FHOD3: variants seen among roughly 807,000 people sequenced by gnomAD.
FHOD3 encodes FH1/FH2 domain-containing protein 3.
FHOD3 carries 90 observed loss-of-function variants against 173.0 expected under a neutral mutation model. The ratio of observed to expected loss-of-function variants is 0.52; its 90% CI spans 0.44 to 0.62. The LOEUF (loss-of-function observed/expected upper bound fraction) is 0.62, where lower values mean the gene tolerates loss of function less well. Ranked by LOEUF, FHOD3 falls within the 20% of genes least tolerant of loss-of-function variation. The pLI, the probability that FHOD3 is intolerant of heterozygous loss-of-function variation, is 0.00. For missense variants in FHOD3, 1,945 were observed against 2,034.7 expected, an observed-to-expected ratio of 0.96 and a Z score of 0.85; for synonymous variants, 828 against 823.0, an observed-to-expected ratio of 1.01 and a Z score of -0.10.
intron 3 of FHOD3, among the ~76,000 whole-genome samples, chr18:36,427,286 T>TTA (rs1555700513): frequency 5.0e-5 from 4 of 79,480 alleles, no homozygotes; most frequent in Non-Finnish European, 7.2e-5. Context: ...CTTGCTTCTC[T>TTA]AAAAAAAAAA....
intron 1 of FHOD3, among the ~76,000 whole-genome samples, chr18:36,350,404 T>C (rs2145668789): frequency 6.6e-6 from 1 of 152,300 alleles, no homozygotes; most frequent in Admixed American, 6.5e-5. Context: ...GCCCCTAAAT[T>C]TCCTTAATCG....
chr18:36,386,024 AT>A (rs1181183829), intron 3 of FHOD3, among the ~76,000 whole-genome samples: 6 of 152,246 alleles, frequency 3.9e-5, no homozygotes, highest in African/African-American at 1.4e-4. Flanking sequence ...TCTAAGCATT[AT>A]AAAAAGTAGT....
At chr18:36,547,014 G>A (rs1305897186) in intron 5 of FHOD3, among the ~76,000 whole-genome samples, 3 of 152,176 alleles carry the variant, frequency 2.0e-5, no homozygotes, top group Non-Finnish European at 4.4e-5. Context: ...GCCTCACAGC[G>A]CTGACCCCGC....
chr18:36,460,849 G>A (rs974198820), intron 3 of FHOD3, among the ~76,000 whole-genome samples: 1 of 152,178 alleles, frequency 6.6e-6, no homozygotes, highest in Admixed American at 6.5e-5. Context: ...CTGGCACAGA[G>A]GAGATTATTA....
intron 3 of FHOD3, among the ~76,000 whole-genome samples, chr18:36,403,661 AAAT>A (rs1250621232): frequency 6.6e-6 from 1 of 152,262 alleles, no homozygotes; most frequent in East Asian, 1.9e-4. Context: ...AAGGTTAGCC[AAAT>A]AATTACGGAT....
intron 17 of FHOD3, among the ~76,000 whole-genome samples, chr18:36,698,778 A>G (rs923160992): frequency 1.3e-5 from 2 of 152,200 alleles, no homozygotes; most frequent in African/African-American, 4.8e-5. Context: ...AAAGGACTTC[A>G]TTACTTCTAG....
intron 1 of FHOD3, among the ~76,000 whole-genome samples, chr18:36,313,627 G>A (rs149553118): frequency 2.0e-5 from 3 of 152,290 alleles, no homozygotes; most frequent in Admixed American, 6.5e-5. Context: ...TTGCAGAGCA[G>A]TTTCCCCTGG....
chr18:36,316,677 G>A (rs935312359), intron 1 of FHOD3, among the ~76,000 whole-genome samples: 5 of 152,088 alleles, frequency 3.3e-5, no homozygotes, highest in Admixed American at 1.3e-4. Flanking sequence ...CCACCCCAGC[G>A]CCTGCTGTTC....
chr18:36,722,637 C>T (rs1288035721), intron 19 of FHOD3, among the ~76,000 whole-genome samples: 2 of 151,938 alleles, frequency 1.3e-5, no homozygotes, highest in Non-Finnish European at 2.9e-5. Flanking sequence ...TAAGGTGTCA[C>T]TCTGTCGCCC....
chr18:36,434,825 T>A (rs1312089295), intron 3 of FHOD3, among the ~76,000 whole-genome samples: 2 of 152,076 alleles, frequency 1.3e-5, no homozygotes, highest in African/African-American at 4.8e-5. Flanking sequence ...ATTATAAATT[T>A]AAATTTCCAA....
chr18:36,721,751 C>G (rs896966698), intron 19 of FHOD3, among the ~76,000 whole-genome samples: 4 of 152,156 alleles, frequency 2.6e-5, no homozygotes, highest in African/African-American at 9.7e-5. Context: ...GTTTCTAATC[C>G]TTGACTGTGG....
At chr18:36,392,675 C>T (rs1181950177) in intron 3 of FHOD3, among the ~76,000 whole-genome samples, 1 of 152,226 alleles carries the variant, frequency 6.6e-6, no homozygotes, top group Non-Finnish European at 1.5e-5. Flanking sequence ...CAGGGTATAT[C>T]TCCTGCTTCC....
chr18:36,776,354 A>T (rs1044813189), intron 28 of FHOD3, among the ~76,000 whole-genome samples: 3 of 152,078 alleles, frequency 2.0e-5, no homozygotes, highest in Non-Finnish European at 4.4e-5. Context: ...ATGATGTTTG[A>T]TGAATGGCAA....
intron 19 of FHOD3, among the ~76,000 whole-genome samples, chr18:36,730,262 T>G (rs181624134): frequency 1.4e-4 from 22 of 152,316 alleles, no homozygotes; most frequent in African/African-American, 5.3e-4. Context: ...ACGCACCATA[T>G]GTATGAAGGC....
chr18:36,696,417 G>A (rs2039283823), intron 17 of FHOD3, among the ~76,000 whole-genome samples: 1 of 152,098 alleles, frequency 6.6e-6, no homozygotes, highest in Admixed American at 6.5e-5. Context: ...TCCCTTTATG[G>A]GTTCTTTCTT....
At chr18:36,690,731 A>G (rs551373459) in intron 16 of FHOD3, among the ~76,000 whole-genome samples, 47 of 114,768 alleles carry the variant, frequency 4.1e-4, no homozygotes, top group Non-Finnish European at 2.9e-4. Context: ...GCCCCGCCAT[A>G]TAAAAAAAAA....
At chr18:36,561,490 G>C (rs2058080087) in intron 5 of FHOD3, among the ~76,000 whole-genome samples, 1 of 152,146 alleles carries the variant, frequency 6.6e-6, no homozygotes, top group Non-Finnish European at 1.5e-5. Flanking sequence ...ATGATTTTCT[G>C]CTGTGGCTAT....
At chr18:36,643,504 G>C (rs1374498236) in intron 10 of FHOD3, among the ~76,000 whole-genome samples, 1 of 152,174 alleles carries the variant, frequency 6.6e-6, no homozygotes. Context: ...TTTAGGTCAT[G>C]ATATTAATGT....
At chr18:36,369,695 A>G (rs1003998835) in intron 2 of FHOD3, among the ~76,000 whole-genome samples, 1 of 151,998 alleles carries the variant, frequency 6.6e-6, no homozygotes, top group Non-Finnish European at 1.5e-5. Flanking sequence ...GTCTTGTATT[A>G]TTTTTACATA....
Sources: gnomAD v4.1 joint callset for allele counts (sites outside exome capture counted in the v4.1 genomes callset) on GRCh38, gnomAD v4.1.1 for gene constraint, MANE v1.5 for transcripts, NCBI Gene and HGNC (gene_info 2026-07-23, HGNC 2026-07-21) for gene names.